NRG3: variants seen among roughly 807,000 people sequenced by gnomAD.
NRG3 encodes the protein neuregulin 3.
In NRG3, 31 loss-of-function variants were observed where a neutral mutation model predicts 66.9. The ratio of observed to expected loss-of-function variants is 0.46; its 90% CI spans 0.35 to 0.63. The LOEUF is 0.63. NRG3 is among the 20% of genes least tolerant of loss of function. NRG3 has a pLI of 0.00. For missense variants in NRG3, 910 were observed against 878.9 expected (o/e 1.04, Z -0.45); for synonymous variants, 393 against 359.4 (o/e 1.09, Z -1.06).
intron 1 of NRG3, among the ~76,000 whole-genome samples, chr10:82,225,888 A>G (rs1420675090): frequency 6.6e-6 from 1 of 152,140 alleles, no homozygotes; most frequent in Non-Finnish European, 1.5e-5. Flanking sequence ...GTATATTAAG[A>G]TCACGTGGCA....
intron 1 of NRG3, among the ~76,000 whole-genome samples, chr10:82,247,524 AT>A (rs1271092147): frequency 6.6e-6 from 1 of 152,102 alleles, no homozygotes; most frequent in Non-Finnish European, 1.5e-5. Flanking sequence ...GGGGGTTGGA[AT>A]TTCAACATAT....
At chr10:82,334,239 C>T (rs11193797) in intron 1 of NRG3, among the ~76,000 whole-genome samples, 33,749 of 151,860 alleles carry the variant, frequency 0.22, 6,650 homozygotes, top group African/African-American at 0.53. Flanking sequence ...ATAAGGGCAG[C>T]TTTCTCTCAA....
chr10:82,892,440 G>A (rs568967641), intron 4 of NRG3, among the ~76,000 whole-genome samples: 4 of 152,240 alleles, frequency 2.6e-5, no homozygotes, highest in African/African-American at 7.2e-5. Flanking sequence ...AAGGTGGGAG[G>A]ATCGCTTGAA....
chr10:82,800,577 G>A (rs1386874788), intron 3 of NRG3, among the ~76,000 whole-genome samples: 3 of 152,142 alleles, frequency 2.0e-5, no homozygotes, highest in Non-Finnish European at 4.4e-5. Context: ...CATTTAGTAG[G>A]TGCTTAATTA....
intron 1 of NRG3, among the ~76,000 whole-genome samples, chr10:82,298,055 G>A (rs1374392087): frequency 6.6e-6 from 1 of 151,996 alleles, no homozygotes; most frequent in Non-Finnish European, 1.5e-5. Context: ...GAGGTGAGAG[G>A]ATCACTTGAG....
chr10:82,254,867 C>A (rs1163012398), intron 1 of NRG3, among the ~76,000 whole-genome samples: 1 of 151,266 alleles, frequency 6.6e-6, no homozygotes, highest in Non-Finnish European at 1.5e-5. Flanking sequence ...TGAATAAATA[C>A]AAAAATGAGA....
chr10:82,586,229 G>C, intron 2 of NRG3, among the ~76,000 whole-genome samples: 1 of 127,138 alleles, frequency 7.9e-6, no homozygotes, highest in Non-Finnish European at 1.6e-5. Context: ...TAAAATAAAA[G>C]TTGAAATTAT....
intron 1 of NRG3, among the ~76,000 whole-genome samples, chr10:82,096,369 C>T (rs374852173): frequency 1.3e-5 from 2 of 151,618 alleles, no homozygotes; most frequent in Non-Finnish European, 2.9e-5. Context: ...CCAGCTACTT[C>T]GGAGGCTGAG....
intron 1 of NRG3, among the ~76,000 whole-genome samples, chr10:82,279,657 G>A (rs1382330328): frequency 6.6e-6 from 1 of 152,138 alleles, no homozygotes; most frequent in Admixed American, 6.6e-5. Context: ...CAACGAACAC[G>A]GAGTGAAAGA....
chr10:82,731,928 A>G (rs1310330201), intron 2 of NRG3, among the ~76,000 whole-genome samples: 1 of 152,208 alleles, frequency 6.6e-6, no homozygotes, highest in Non-Finnish European at 1.5e-5. Flanking sequence ...AATCTACTGC[A>G]TAATATAGTT....
intron 1 of NRG3, among the ~76,000 whole-genome samples, chr10:82,019,914 G>T (rs2061983167): frequency 6.6e-6 from 1 of 151,900 alleles, no homozygotes; most frequent in Non-Finnish European, 1.5e-5. Context: ...ATTTTTTGAA[G>T]GGTTTTTTGT....
At chr10:82,866,985 A>G (rs1172671200) in intron 4 of NRG3, among the ~76,000 whole-genome samples, 1 of 152,170 alleles carries the variant, frequency 6.6e-6, no homozygotes, top group African/African-American at 2.4e-5. Flanking sequence ...AGAGAAAAAA[A>G]ATGTTGGTTA....
At chr10:82,411,608 A>G (rs1438117085) in intron 2 of NRG3, among the ~76,000 whole-genome samples, 1 of 152,160 alleles carries the variant, frequency 6.6e-6, no homozygotes, top group Non-Finnish European at 1.5e-5. Context: ...CTGAACACTC[A>G]TCAGAAAACT....
intron 1 of NRG3, among the ~76,000 whole-genome samples, chr10:82,055,729 C>T (rs1451155649): frequency 2.0e-5 from 3 of 151,818 alleles, no homozygotes; most frequent in Non-Finnish European, 2.9e-5. Flanking sequence ...ATTTGTAAAG[C>T]GATGAAAAAT....
chr10:82,896,444 G>C (rs1425028504), intron 4 of NRG3, among the ~76,000 whole-genome samples: 1 of 151,924 alleles, frequency 6.6e-6, no homozygotes, highest in Non-Finnish European at 1.5e-5. Context: ...GCCTGGCAAA[G>C]AAGGATGAGG....
intron 1 of NRG3, among the ~76,000 whole-genome samples, chr10:81,977,207 G>A (rs2060156808): frequency 6.6e-6 from 1 of 152,136 alleles, no homozygotes. Flanking sequence ...TCATACTCTT[G>A]TAACAATCTT....
intron 1 of NRG3, among the ~76,000 whole-genome samples, chr10:82,233,147 G>A (rs576902287): frequency 1.1e-4 from 17 of 152,250 alleles, no homozygotes; most frequent in Non-Finnish European, 2.2e-4. Flanking sequence ...GGCGGATCAC[G>A]AGGTCAGGAG....
In NRG3 at chr10:82,411,432, A is replaced by C. The variant is rs1590037697; in HGVS notation, c.953+52564A>C. Among the ~76,000 whole-genome samples, 3 of 152,286 alleles carry C rather than the reference A, an allele frequency of 2.0e-5. No individual in the cohort carries two copies. The South Asian group carries it at 6.2e-4, about 32-fold the overall frequency. On this transcript the variant is annotated intron_variant, in intron 2 of 8. Coordinates refer to ENST00000372141, the MANE Select transcript of NRG3 (RefSeq NM_001010848.4). ...GGAAGCCATGACCAAAAGTATAATT[A>C]GTATCACTGCAACGAGCTGGGGTAA...
chr10:82,173,127 G>T (rs1004259503), intron 1 of NRG3, among the ~76,000 whole-genome samples: 7 of 152,046 alleles, frequency 4.6e-5, no homozygotes, highest in African/African-American at 1.4e-4. Context: ...TTCTACAAAG[G>T]ATTGCTTTGG....
Sources: allele counts gnomAD v4.1 joint callset (sites outside exome capture counted in the v4.1 genomes callset), GRCh38; gene constraint gnomAD v4.1.1; transcripts MANE v1.5; gene names NCBI Gene and HGNC (gene_info 2026-07-23, HGNC 2026-07-21).